The following FASTK variants were observed in gnomAD, a reference collection of about 807,000 sequenced individuals.
FASTK encodes the protein fas-activated serine/threonine kinase.
In FASTK, 28 loss-of-function variants were observed where a neutral mutation model predicts 60.0. That is an observed-to-expected ratio of 0.47 (90% CI 0.35 to 0.64). FASTK has a LOEUF of 0.64. Among genes scored for constraint, FASTK ranks in the 30% least tolerant of loss-of-function variants. The pLI, the probability that FASTK is intolerant of heterozygous loss-of-function variation, is 0.01. For missense variants in FASTK, 595 were observed against 713.8 expected (o/e 0.83, Z 1.90); for synonymous variants, 325 against 307.9 (o/e 1.06, Z -0.58).
chr7:151,076,751 G>A lies in FASTK; in HGVS notation c.1624C>T (p.Leu542=). 6.2e-7 allele frequency: 1 copy of A among 1,608,486 alleles called. No individual in the cohort carries two copies. Among genetic ancestry groups the A allele is most frequent in the Non-Finnish European group, 8.5e-7 (1 of 1,177,356 alleles). ...YLRQKLQALG[L]RWGPEGG ...CAGCCCCCTTCAGGCCCCCAGCGCA[G>A]GCCCAGGGCCTGGAGCTTCTGCCTC... Residue 542 remains leucine (L), a synonymous_variant, in exon 10 of 10, where the codon CTG becomes TTG. Transcript: ENST00000297532.
At chr7:151,077,828 C>G in intron 5 of FASTK, 48 bp from the exon 6 acceptor site, 1 of 1,596,390 alleles carries the variant, frequency 6.3e-7, no homozygotes, top group South Asian at 1.1e-5. Flanking sequence ...CCACCCTGCT[C>G]CCCTGCCTCT....
chr7:151,079,899 G>C lies in FASTK; in HGVS notation c.106C>G (p.Leu36Val). ...ESWSPSPNSM[L>V]RVLLSAQTSP... ...GTCTGAGCAGAGAGCAGGACTCGAA[G>C]CATGGAGTTGGGTGATGGAGACCCT... The change falls in exon 2 of 10, where the codon CTT (leucine) becomes GTT (valine). Residue 36 changes from leucine to valine, a missense_variant. Leu to Val is a conservative substitution (Grantham distance 32). Coordinates refer to ENST00000297532, the MANE Select transcript of FASTK (RefSeq NM_006712.5). The C allele has an allele frequency of 6.3e-7, 1 of 1,594,768 alleles. No individual in the cohort carries two copies. Among genetic ancestry groups the C allele is most frequent in the Non-Finnish European group, 8.6e-7 (1 of 1,167,540 alleles).
In FASTK at chr7:151,080,771, T is replaced by G. The variant is rs1184504299; in HGVS notation, c.-5A>C. Reference sequence around the variant, plus strand: ...TTCCCCCCGCGGCCTCCTCATCGGCTAGCCACCGAGTCCGCCATCTTCCCA... The same window carrying G: ...TTCCCCCCGCGGCCTCCTCATCGGCGAGCCACCGAGTCCGCCATCTTCCCA... On this transcript the variant is annotated 5_prime_UTR_variant, in exon 1 of 10. Transcript: ENST00000297532. 1 of 1,282,674 alleles carries G rather than the reference T, an allele frequency of 7.8e-7. No individual in the cohort carries two copies. The highest frequency in any genetic ancestry group is 1.5e-5 in the African/African-American group (1 of 64,608). The allele number at this position is 1,282,674 out of a possible 1,614,324, so 79.5% of individuals were successfully genotyped here.
rs530502057 is a variant in FASTK at position 151,079,986 on chromosome 7, C to A, written c.83-64G>T. 156 of 1,366,072 alleles carry A rather than the reference C, an allele frequency of 1.1e-4. 2 individuals are homozygous for A. In the South Asian group the frequency reaches 2.1e-3, roughly 18 times the overall value. The allele number at this position is 1,366,072 out of a possible 1,614,324, so 84.6% of individuals were successfully genotyped here. A position where few individuals can be genotyped will look rare whatever the true frequency, so the allele number is the denominator to read the frequency against. ...AAAGGGGAGAAAGACCTGCTACCTA[C>A]TGCTTACCTCACTCCTCATTTAGGG... is the stretch of plus-strand genomic sequence containing the variant. On this transcript the variant is annotated intron_variant, in intron 1 of 9. Coordinates refer to ENST00000297532, the MANE Select transcript of FASTK (RefSeq NM_006712.5).
In FASTK at chr7:151,078,087, T is replaced by C; in HGVS notation, c.831A>G (p.Val277=). ...GCCCAAAGGGCAGGACCAACTTCTG[T>C]ACCACCTGTGGAGGAAGAGCAGTTC... ...VQETQLSSKV[V]QKLVLPFGRL... The change falls in exon 5 of 10, where the codon GTA becomes GTG. Residue 277 remains valine (V), a synonymous_variant. Coordinates refer to ENST00000297532, the MANE Select transcript of FASTK (RefSeq NM_006712.5). The C allele has an allele frequency of 3.1e-6, 5 of 1,587,698 alleles. No homozygotes were observed.
Position 151,077,782 on chromosome 7 carries a change from T to C in FASTK, c.1040-2A>G. The C allele has an allele frequency of 6.3e-7, 1 of 1,594,734 alleles. No individual in the cohort carries two copies. The highest frequency in any genetic ancestry group is 8.6e-7 in the Non-Finnish European group (1 of 1,166,612). ...GCACAATCAGAGCATGAGGGGTGCC[T>C]GTGGGGAGGCGGGGACTGGGGCTCT... On this transcript the variant is annotated splice_acceptor_variant, in intron 5 of 9. Coordinates refer to ENST00000297532, the MANE Select transcript of FASTK (RefSeq NM_006712.5). LOFTEE classifies it high-confidence loss of function.
In FASTK at chr7:151,077,684, C is replaced by A. The variant is rs868025332; in HGVS notation, c.1136G>T (p.Arg379Leu). The change falls in exon 6 of 10, where the codon CGA becomes CTA. Residue 379 changes from arginine to leucine, a missense_variant. Arg to Leu is a moderately radical substitution (Grantham distance 102). This residue lies in a region of FASTK where 471 missense variants were observed against 605.9 expected (regional missense o/e 0.78). Transcript: ENST00000297532. ...LPGYRGPRLP[R>L]RQQVPIFPQP... Reference sequence around the variant, plus strand: ...GGGAAAGATGGGCACTTGCTGCCTTCGGGGAAGGCGGGGACCCCGGTATCC... The same window carrying A: ...GGGAAAGATGGGCACTTGCTGCCTTAGGGGAAGGCGGGGACCCCGGTATCC... 3.8e-6 allele frequency: 6 copies of A among 1,582,378 alleles called. No homozygotes were observed. The South Asian group carries it at 4.6e-5, about 12-fold the overall frequency.
At position 151,078,141 on chromosome 7, in the gene FASTK, C is replaced by T. The variant is rs770095040; in HGVS notation, c.826-49G>A. The T allele has an allele frequency of 4.3e-6, 6 of 1,397,996 alleles. No individual in the cohort carries two copies. In the Admixed American group the frequency reaches 7.8e-5, roughly 18 times the overall value. The allele number at this position is 1,397,996 out of a possible 1,614,324, so 86.6% of individuals were successfully genotyped here. On this transcript the variant is annotated intron_variant, in intron 4 of 9. Transcript: ENST00000297532. ...ACCCAGTGTCAAGTATTTCTGCAGTCATCTTTTACAAGCTAAGCCTTAGAG... is the reference window on the plus strand; with the variant it reads ...ACCCAGTGTCAAGTATTTCTGCAGTTATCTTTTACAAGCTAAGCCTTAGAG...
Position 151,077,301 on chromosome 7 carries a change from C to T in FASTK, c.1291+9G>A, listed in dbSNP as rs766178887. 1 of 1,612,942 alleles carries T rather than the reference C, an allele frequency of 6.2e-7. No individual in the cohort carries two copies. The highest frequency in any genetic ancestry group is 8.5e-7 in the Non-Finnish European group (1 of 1,179,902). On this transcript the variant is annotated intron_variant, in intron 7 of 9. Transcript: ENST00000297532. ...GTCTCCCCGGGCCTGCCGCCTGCCC[C>T]TTGCTCACCTGTGCAGTAGCCTGGA...
chr7:151,078,847 A>G lies in FASTK; in HGVS notation c.680T>C (p.Leu227Pro). The G allele has an allele frequency of 6.2e-7, 1 of 1,608,340 alleles. No homozygotes were observed. Among genetic ancestry groups the G allele is most frequent in the Non-Finnish European group, 8.5e-7 (1 of 1,178,204 alleles). The change falls in exon 3 of 10, where the codon CTG (leucine) becomes CCG (proline). Residue 227 changes from leucine to proline, a missense_variant. Coordinates refer to ENST00000297532, the MANE Select transcript of FASTK (RefSeq NM_006712.5). ...ATTTTAACCCCCTCCAGCACCTGCC[A>G]GGCTGCTGATCAGATGCTGCCGTGG... is the stretch of plus-strand genomic sequence containing the variant. ...RYPRQHLISSLAEARPEELTP... is the reference protein window; with the variant it reads ...RYPRQHLISSPAEARPEELTP...
rs1330502948 is a variant in FASTK at position 151,079,874 on chromosome 7, G to A, written c.131C>T (p.Thr44Ile). ...CAGGCCAGACAGCCGAGCAGGGGAG[G>A]TCTGAGCAGAGAGCAGGACTCGAAG... ...SMLRVLLSAQ[T>I]SPARLSGLLL... The change falls in exon 2 of 10, where the codon ACC becomes ATC. Residue 44 changes from threonine to isoleucine, a missense_variant. Thr to Ile is a moderately conservative substitution (Grantham distance 89). Around this residue, in one of 2 missense-constraint regions of FASTK, gnomAD observed 124 missense variants for 107.9 expected, o/e 1.15. Coordinates refer to ENST00000297532, the MANE Select transcript of FASTK (RefSeq NM_006712.5). 6.2e-7 allele frequency: 1 copy of A among 1,604,534 alleles called. No homozygotes were observed.
At chr7:151,079,985 A>G in intron 1 of FASTK, 63 bp from the exon 2 acceptor site, 1 of 1,380,318 alleles carries the variant, frequency 7.2e-7, no homozygotes. Flanking sequence ...CCTGCTACCT[A>G]CTGCTTACCT....
chr7:151,077,488 C>G (rs1019180745), intron 6 of FASTK, 87 bp from the exon 7 acceptor site: 17 of 1,529,248 alleles, frequency 1.1e-5, no homozygotes, highest in Non-Finnish European at 1.4e-5. Context: ...TGGGCAAAGC[C>G]CTCTGCTGCT....
Position 151,078,009 on chromosome 7 carries a change from G to C in FASTK, c.909C>G (p.Ile303Met). 6.2e-7 allele frequency: 1 copy of C among 1,612,594 alleles called. No individual in the cohort carries two copies. The highest frequency in any genetic ancestry group is 8.5e-7 in the Non-Finnish European group (1 of 1,178,900). ...GTGCCACCCCTGCTTCCCGAGCCAG[G>C]ATCCTCTCAAGGCAGGGCATAAACT... ...EQQFMPCLER[I>M]LAREAGVAPL... The change falls in exon 5 of 10, where the codon ATC becomes ATG. Residue 303 changes from isoleucine to methionine, a missense_variant. Ile to Met is a conservative substitution (Grantham distance 10, BLOSUM62 1). This residue lies in a region of FASTK where 471 missense variants were observed against 605.9 expected (regional missense o/e 0.78). Transcript: ENST00000297532.
Position 151,077,350 on chromosome 7 carries a change from T to C in FASTK, c.1251A>G (p.Lys417=). 1 of 1,613,008 alleles carries C rather than the reference T, an allele frequency of 6.2e-7. No individual in the cohort carries two copies. The highest frequency in any genetic ancestry group is 1.7e-5 in the Admixed American group (1 of 60,020). Residue 417 remains lysine, a synonymous_variant, in exon 7 of 10, where the codon AAA becomes AAG. Transcript: ENST00000297532. ...GAGGCACAGTCAGGTCCTGGCGGTA[T>C]TTCTCCTCCCCCAGCAGCTGGCGCA... ...EGLRQLLGEE[K]YRQDLTVPPG... is the part of the protein sequence containing the mutation.
At chr7:151,078,208 A>G in intron 4 of FASTK, 116 bp from the exon 5 acceptor site, 1 of 777,246 alleles carries the variant, frequency 1.3e-6, no homozygotes, top group Non-Finnish European at 2.1e-6. Context: ...TAAAGACAGG[A>G]CAGTCCCTCC....
rs749181765 is a variant in FASTK, at chr7:151,076,740, C to G, written c.1635G>C (p.Gly545=). ...CATCAACCCCTCAGCCCCCTTCAGG[C>G]CCCCAGCGCAGGCCCAGGGCCTGGA... ...QKLQALGLRW[G]PEGG The change falls in exon 10 of 10, where the codon GGG becomes GGC. Residue 545 remains glycine, a synonymous_variant. Coordinates refer to ENST00000297532, the MANE Select transcript of FASTK (RefSeq NM_006712.5). The G allele has an allele frequency of 4.4e-6, 7 of 1,598,222 alleles. No individual in the cohort carries two copies. The Admixed American group carries it at 5.2e-5, about 12-fold the overall frequency.
Position 151,078,968 on chromosome 7 carries a change from G to A in FASTK, c.559C>T (p.Arg187Cys). The A allele has an allele frequency of 6.4e-7, 1 of 1,551,340 alleles. No homozygotes were observed. Among genetic ancestry groups the A allele is most frequent in the Non-Finnish European group, 8.7e-7 (1 of 1,153,766 alleles). The stretch of plus-strand genomic sequence containing the variant: ...GGGGGAGGTGGCTTCGGAGGGAGGC[G>A]GAGCCTTCGCTCCTGTTCCAGGGCA... The part of the protein sequence containing the change: ...VCALEQERRL[R>C]LPPKPPPPLQ... The change falls in exon 3 of 10, where the codon CGC becomes TGC. Residue 187 changes from arginine to cysteine, a missense_variant. Arg to Cys is a radical substitution (Grantham distance 180, BLOSUM62 -3). Coordinates refer to ENST00000297532, the MANE Select transcript of FASTK (RefSeq NM_006712.5).
chr7:151,079,428 G>T (rs1030627389), intron 2 of FASTK, 72 bp downstream of exon 2: 1 of 1,407,798 alleles, frequency 7.1e-7, no homozygotes, highest in Non-Finnish European at 9.6e-7. Context: ...CTCTGTCCGT[G>T]GTCCTCTACT....
Sources: gnomAD v4.1 joint callset for allele counts on GRCh38, gnomAD v4.1.1 for gene constraint, gnomAD v4.1.1 regional missense constraint, MANE v1.5 for transcripts, NCBI Gene and HGNC (gene_info 2026-07-23, HGNC 2026-07-21) for gene names.